PTPN9: variants seen among roughly 807,000 people sequenced by gnomAD.
The protein encoded by PTPN9 is protein tyrosine phosphatase non-receptor type 9.
PTPN9 carries 26 observed loss-of-function variants against 69.8 expected under a neutral mutation model. The observed-to-expected ratio is 0.37, with a 90% CI of 0.27 to 0.52. PTPN9 has a LOEUF of 0.52. Among genes scored for constraint, PTPN9 ranks in the 20% least tolerant of loss-of-function variants. The pLI, the probability that PTPN9 is intolerant of heterozygous loss-of-function variation, is 0.91. For missense variants in PTPN9, 549 were observed against 740.3 expected, an observed-to-expected ratio of 0.74 and a Z score of 3.00; for synonymous variants, 274 against 272.5, an observed-to-expected ratio of 1.01 and a Z score of -0.05.
At chr15:75,535,714 CT>C (rs2074979915) in intron 1 of PTPN9, among the ~76,000 whole-genome samples, 1 of 152,164 alleles carries the variant, frequency 6.6e-6, no homozygotes, top group Non-Finnish European at 1.5e-5. Flanking sequence ...AATGAACTAC[CT>C]TCCTCTCATG....
At chr15:75,497,438 G>C (rs1402012915) in intron 7 of PTPN9, among the ~76,000 whole-genome samples, 1 of 152,152 alleles carries the variant, frequency 6.6e-6, no homozygotes, top group African/African-American at 2.4e-5. Context: ...GCTGCCATAA[G>C]CTATGACAGT....
At chr15:75,543,727 T>C (rs2075019281) in intron 1 of PTPN9, among the ~76,000 whole-genome samples, 1 of 152,208 alleles carries the variant, frequency 6.6e-6, no homozygotes, top group Non-Finnish European at 1.5e-5. Flanking sequence ...GACTATATTA[T>C]CCACTCAAAA....
intron 1 of PTPN9, among the ~76,000 whole-genome samples, chr15:75,530,748 AT>A (rs2074958440): frequency 1.3e-5 from 1 of 75,702 alleles, no homozygotes; most frequent in African/African-American, 5.4e-5. Flanking sequence ...TATATAATAT[AT>A]ATAATATAAT....
chr15:75,491,137 T>C (rs953570713), intron 7 of PTPN9, among the ~76,000 whole-genome samples: 2 of 151,388 alleles, frequency 1.3e-5, no homozygotes, highest in African/African-American at 4.9e-5. Flanking sequence ...GTGTGGTGGC[T>C]CATGCCTGTA....
At chr15:75,485,216 A>G (rs2074667147) in intron 8 of PTPN9, among the ~76,000 whole-genome samples, 1 of 152,178 alleles carries the variant, frequency 6.6e-6, no homozygotes, top group Non-Finnish European at 1.5e-5. Flanking sequence ...AACCTGGCAC[A>G]TGCAAATGGT....
intron 1 of PTPN9, among the ~76,000 whole-genome samples, chr15:75,543,338 C>T (rs1425508100): frequency 6.6e-6 from 1 of 152,120 alleles, no homozygotes; most frequent in Non-Finnish European, 1.5e-5. Flanking sequence ...CTACATCATA[C>T]TCAACACTGA....
At chr15:75,531,920 C>T (rs1258985315) in intron 1 of PTPN9, among the ~76,000 whole-genome samples, 1 of 152,076 alleles carries the variant, frequency 6.6e-6, no homozygotes, top group Non-Finnish European at 1.5e-5. Flanking sequence ...TCTAGTGGGC[C>T]TCTCTGATGT....
chr15:75,538,568 A>G (rs1022134082), intron 1 of PTPN9, among the ~76,000 whole-genome samples: 24 of 151,994 alleles, frequency 1.6e-4, no homozygotes, highest in Non-Finnish European at 5.9e-5. Context: ...ATGATGGCAC[A>G]CGCCTACAGT....
At chr15:75,499,399 C>CTTTTTTT (rs71440245) in intron 7 of PTPN9, among the ~76,000 whole-genome samples, 4 of 84,524 alleles carry the variant, frequency 4.7e-5, no homozygotes, top group Non-Finnish European at 8.6e-5. Flanking sequence ...TCTAAACCCA[C>CTTTTTTT]TTTTTTTTTT....
At chr15:75,543,271 T>C (rs2075017172) in intron 1 of PTPN9, among the ~76,000 whole-genome samples, 1 of 151,984 alleles carries the variant, frequency 6.6e-6, no homozygotes, top group Non-Finnish European at 1.5e-5. Flanking sequence ...CTGCAAGAAA[T>C]CACAGTAGTA....
intron 4 of PTPN9, among the ~76,000 whole-genome samples, chr15:75,520,510 A>C (rs897623683): frequency 2.0e-5 from 3 of 151,814 alleles, no homozygotes; most frequent in African/African-American, 7.3e-5. Context: ...ATGTGTGTAT[A>C]TATATACATA....
chr15:75,515,351 T>C (rs11639183), intron 5 of PTPN9, among the ~76,000 whole-genome samples: 51,224 of 143,854 alleles, frequency 0.36, 9,995 homozygotes, highest in African/African-American at 0.55. Context: ...GGCGTGAACC[T>C]GGGAGGCGGA....
At chr15:75,572,558 T>C (rs929414997) in intron 1 of PTPN9, among the ~76,000 whole-genome samples, 4 of 151,026 alleles carry the variant, frequency 2.6e-5, no homozygotes, top group African/African-American at 9.7e-5. Flanking sequence ...AAAAAGAAAA[T>C]ACAAAAATTA....
chr15:75,528,605 G>T (rs2074941219), intron 1 of PTPN9, among the ~76,000 whole-genome samples: 1 of 151,550 alleles, frequency 6.6e-6, no homozygotes, highest in South Asian at 2.1e-4. Flanking sequence ...CATAGCCCAG[G>T]ATTGGTCTCA....
chr15:75,530,567 A>AT (rs1240490366), intron 1 of PTPN9, among the ~76,000 whole-genome samples: 3 of 79,736 alleles, frequency 3.8e-5, no homozygotes, highest in African/African-American at 1.6e-4. Context: ...ATATATTATT[A>AT]TATTATAATA....
intron 1 of PTPN9, among the ~76,000 whole-genome samples, chr15:75,555,407 T>C (rs2075072596): frequency 6.6e-6 from 1 of 152,182 alleles, no homozygotes; most frequent in Non-Finnish European, 1.5e-5. Flanking sequence ...TTAAAATACA[T>C]ATTACTGGAT....
chr15:75,578,118 G>A (rs2075182130), intron 1 of PTPN9, among the ~76,000 whole-genome samples: 1 of 152,204 alleles, frequency 6.6e-6, no homozygotes, highest in South Asian at 2.1e-4. Flanking sequence ...CGCCCCGTCT[G>A]GGATAGCTGA....
chr15:75,521,313 G>A lies in PTPN9; in HGVS notation c.422+1808C>T, dbSNP rs1211616044. Among the ~76,000 whole-genome samples, 10 of 151,122 alleles carry A rather than the reference G, an allele frequency of 6.6e-5. No homozygotes were observed. The South Asian group carries it at 1.2e-3, about 19-fold the overall frequency. On this transcript the variant is annotated intron_variant, in intron 4 of 12. Coordinates refer to ENST00000618819, the MANE Select transcript of PTPN9 (RefSeq NM_002833.4). Reference sequence around the variant, plus strand: ...ACAAAAAAAAAAAAAAAAAACGGGCGTGGTGGCAGGCGCCTGTAGTCCCAG... The same window carrying A: ...ACAAAAAAAAAAAAAAAAAACGGGCATGGTGGCAGGCGCCTGTAGTCCCAG...
Position 75,505,984 on chromosome 15 carries a change from G to A in PTPN9, c.659C>T (p.Ser220Phe), listed in dbSNP as rs753093738. 4.3e-6 allele frequency: 7 copies of A among 1,612,180 alleles called. No individual in the cohort carries two copies. Among genetic ancestry groups the A allele is most frequent in the East Asian group, 4.5e-5 (2 of 44,884 alleles). ...CCTGGGCAGATGCTGCGTGACCTCA[G>A]ATGTCTTTAATATTTGAATCTGGAA... ...VRERIQILKTSEVTQHLPREC... is the reference protein window; with the variant it reads ...VRERIQILKTFEVTQHLPREC... The change falls in exon 7 of 13, where the codon TCT becomes TTT. Residue 220 changes from serine to phenylalanine, a missense_variant. This residue lies in a region of PTPN9 where 457 missense variants were observed against 661.9 expected (regional missense o/e 0.69). Coordinates refer to ENST00000618819, the MANE Select transcript of PTPN9 (RefSeq NM_002833.4).
Sources: allele counts gnomAD v4.1 joint callset (sites outside exome capture counted in the v4.1 genomes callset), GRCh38; gene constraint gnomAD v4.1.1; regional missense constraint gnomAD v4.1.1; transcripts MANE v1.5; gene names NCBI Gene and HGNC (gene_info 2026-07-23, HGNC 2026-07-21).